RORA: variants seen among roughly 807,000 people sequenced by gnomAD.
RORA encodes the protein nuclear receptor ROR-alpha.
A neutral mutation model predicts 69.5 loss-of-function variants in RORA; 7 were observed. The ratio of observed to expected loss-of-function variants is 0.10; its 90% CI spans 0.06 to 0.19. The LOEUF (loss-of-function observed/expected upper bound fraction) is 0.19, where lower values mean the gene tolerates loss of function less well. RORA is among the 10% of genes least tolerant of loss of function. The pLI is 1.00. For missense variants in RORA, 457 were observed against 663.0 expected, an observed-to-expected ratio of 0.69 and a Z score of 3.41; for synonymous variants, 261 against 240.8, an observed-to-expected ratio of 1.08 and a Z score of -0.78.
intron 2 of RORA, among the ~76,000 whole-genome samples, chr15:60,583,921 G>A (rs1226771538): frequency 6.6e-6 from 1 of 152,168 alleles, no homozygotes; most frequent in East Asian, 1.9e-4. Context: ...CTCACAAGAG[G>A]ATCTTTTACA....
intron 1 of RORA, among the ~76,000 whole-genome samples, chr15:60,797,605 C>T (rs932103661): frequency 8.5e-5 from 13 of 152,148 alleles, no homozygotes; most frequent in African/African-American, 3.1e-4. Context: ...TGAGATGAGA[C>T]TGAATGAGTT....
At chr15:60,984,935 G>A (rs1220659753) in intron 1 of RORA, among the ~76,000 whole-genome samples, 1 of 151,036 alleles carries the variant, frequency 6.6e-6, no homozygotes, top group East Asian at 1.9e-4. Flanking sequence ...ACAAATGTCA[G>A]TTTAGAAGAT....
chr15:60,638,749 C>T (rs1254147185), intron 2 of RORA, among the ~76,000 whole-genome samples: 2 of 152,130 alleles, frequency 1.3e-5, no homozygotes, highest in Non-Finnish European at 2.9e-5. Flanking sequence ...CCCTTGACAA[C>T]CAACGACTGA....
intron 2 of RORA, among the ~76,000 whole-genome samples, chr15:60,574,423 C>T (rs2067968655): frequency 6.6e-6 from 1 of 152,184 alleles, no homozygotes; most frequent in South Asian, 2.1e-4. Context: ...AAATTTCATG[C>T]AAGTTCTTCT....
At chr15:61,099,980 GA>G (rs1313253021) in intron 1 of RORA, among the ~76,000 whole-genome samples, 7 of 152,002 alleles carry the variant, frequency 4.6e-5, no homozygotes, top group Admixed American at 1.3e-4. Context: ...AATTTAAAAA[GA>G]AGGAAACAAG....
chr15:60,521,370 T>C (rs2066162123), intron 3 of RORA, among the ~76,000 whole-genome samples: 1 of 151,380 alleles, frequency 6.6e-6, no homozygotes. Flanking sequence ...GCCTCCCGAG[T>C]AGCTGGGACT....
In RORA at chr15:61,226,138, G is replaced by A. The variant is rs1567045164; in HGVS notation, c.166+2915C>T. On this transcript the variant is annotated intron_variant, in intron 1 of 10. Transcript: ENST00000335670. The surrounding 1 kb of genome is among the most constrained non-coding windows in gnomAD (Gnocchi z 4.2). ...GTAGCCTCAAGTCTACCTAGGTAAT[G>A]TCTCATGAGGTCACTGCAATGTCAT... Among the ~76,000 whole-genome samples the A allele has an allele frequency of 1.3e-5, 2 of 152,188 alleles. No homozygotes were observed. Among genetic ancestry groups the A allele is most frequent in the Non-Finnish European group, 2.9e-5 (2 of 68,036 alleles).
intron 1 of RORA, among the ~76,000 whole-genome samples, chr15:61,053,848 G>GATAAT (rs1555406151): frequency 1.1e-5 from 1 of 90,968 alleles, no homozygotes; most frequent in Non-Finnish European, 2.2e-5. Flanking sequence ...TAGACTTCAT[G>GATAAT]ATATATATAT....
intron 1 of RORA, among the ~76,000 whole-genome samples, chr15:60,785,818 C>T (rs1301169362): frequency 6.6e-6 from 1 of 152,220 alleles, no homozygotes; most frequent in Non-Finnish European, 1.5e-5. Flanking sequence ...TTCCAGGGGA[C>T]AAATCCTTCA....
chr15:60,939,244 C>A (rs1194414044), intron 1 of RORA, among the ~76,000 whole-genome samples: 1 of 152,156 alleles, frequency 6.6e-6, no homozygotes, highest in African/African-American at 2.4e-5. Context: ...CGACCTTGTT[C>A]CCACCATGAA....
Position 60,790,482 on chromosome 15 carries a change from C to T in RORA, c.167-111796G>A, listed in dbSNP as rs190351868. Reference sequence around the variant, plus strand: ...GGGATGTGACTTTAACATGGTGTGGCACCATGGCCTCAGGAAGACTGGGGA... The same window carrying T: ...GGGATGTGACTTTAACATGGTGTGGTACCATGGCCTCAGGAAGACTGGGGA... On this transcript the variant is annotated intron_variant, in intron 1 of 10. Transcript: ENST00000335670. Among the ~76,000 whole-genome samples the T allele has an allele frequency of 9.2e-5, 14 of 152,270 alleles. No individual in the cohort carries two copies. In the East Asian group the frequency reaches 1.9e-3, roughly 21 times the overall value.
chr15:61,046,873 T>C (rs1193543045), intron 1 of RORA, among the ~76,000 whole-genome samples: 1 of 152,182 alleles, frequency 6.6e-6, no homozygotes, highest in East Asian at 1.9e-4. Flanking sequence ...CGAGGACTCT[T>C]GGAGGTATTC....
chr15:60,735,619 A>G (rs1363929379), intron 1 of RORA, among the ~76,000 whole-genome samples: 1 of 152,164 alleles, frequency 6.6e-6, no homozygotes, highest in Non-Finnish European at 1.5e-5. Context: ...CAGAAGAGAC[A>G]AGGTAAACAG....
intron 1 of RORA, among the ~76,000 whole-genome samples, chr15:60,891,694 C>T (rs954162626): frequency 1.3e-5 from 2 of 152,220 alleles, no homozygotes; most frequent in African/African-American, 4.8e-5. Flanking sequence ...TTTCCAGCCT[C>T]ATTTCCTGCT....
intron 2 of RORA, among the ~76,000 whole-genome samples, chr15:60,629,341 C>CA (rs750735610): frequency 1.3e-5 from 2 of 152,066 alleles, no homozygotes; most frequent in African/African-American, 2.4e-5. Flanking sequence ...CATGCACCAC[C>CA]ACGCCCAGCT....
At chr15:61,033,647 A>G (rs1388353563) in intron 1 of RORA, among the ~76,000 whole-genome samples, 1 of 152,206 alleles carries the variant, frequency 6.6e-6, no homozygotes, top group Non-Finnish European at 1.5e-5. Context: ...ATGGTGTCCA[A>G]TTTGGTCGCC....
intron 2 of RORA, among the ~76,000 whole-genome samples, chr15:60,563,041 G>C (rs1443405661): frequency 1.3e-5 from 2 of 152,110 alleles, no homozygotes; most frequent in African/African-American, 4.8e-5. Flanking sequence ...TCAAATAAAT[G>C]CTATACTTAA....
intron 1 of RORA, among the ~76,000 whole-genome samples, chr15:60,714,393 T>A (rs1327647563): frequency 1.4e-5 from 2 of 147,626 alleles, no homozygotes; most frequent in South Asian, 4.3e-4. Flanking sequence ...TGAGATGGAG[T>A]CTTGCTCTGT....
At chr15:60,674,716 A>T (rs2070526407) in intron 2 of RORA, among the ~76,000 whole-genome samples, 1 of 152,232 alleles carries the variant, frequency 6.6e-6, no homozygotes, top group African/African-American at 2.4e-5. Context: ...TTAACTGAAA[A>T]TATTTCCGAA....
Sources: gnomAD v4.1 joint callset for allele counts (sites outside exome capture counted in the v4.1 genomes callset) on GRCh38, gnomAD v4.1.1 for gene constraint, Gnocchi (gnomAD v3.1) non-coding constraint, MANE v1.5 for transcripts, NCBI Gene and HGNC (gene_info 2026-07-23, HGNC 2026-07-21) for gene names.